The following NBAS variants were observed in gnomAD, a reference collection of about 807,000 sequenced individuals.
NBAS encodes NBAS subunit of NRZ tethering complex, also known as NAG/BC035112 fusion.
Under a neutral mutation model 302.5 loss-of-function variants are expected in NBAS, and 219 were observed. The ratio of observed to expected loss-of-function variants is 0.72; its 90% confidence interval spans 0.65 to 0.81. The LOEUF is 0.81. Among genes scored for constraint, NBAS ranks in the 30% least tolerant of loss-of-function variants. NBAS has a pLI of 0.00. For synonymous variants in NBAS, 1,118 were observed against 1,021.6 expected, an observed-to-expected ratio of 1.09 and a Z score of -1.80; for missense variants, 2,932 against 2,841.6, an observed-to-expected ratio of 1.03 and a Z score of -0.72.
At chr2:15,298,792 C>A (rs537561744) in intron 40 of NBAS, among the ~76,000 whole-genome samples, 1 of 152,148 alleles carries the variant, frequency 6.6e-6, no homozygotes, top group African/African-American at 2.4e-5. Flanking sequence ...AGCATTTTCA[C>A]GTGATTTTCA....
chr2:15,097,460 G>A, the NBAS span, among the ~76,000 whole-genome samples: 2 of 152,104 alleles, frequency 1.3e-5, no homozygotes, highest in Non-Finnish European at 2.9e-5. Context: ...GTTCATTTGT[G>A]CTGGATGGCT....
chr2:14,855,287 A>G, the NBAS span, among the ~76,000 whole-genome samples: 1,482 of 152,154 alleles, frequency 9.7e-3, 17 homozygotes, highest in Admixed American at 0.018. Context: ...TACTACATCA[A>G]AGGCCCTAGC....
chr2:14,894,394 G>C, the NBAS span, among the ~76,000 whole-genome samples: 2 of 152,028 alleles, frequency 1.3e-5, no homozygotes, highest in Admixed American at 1.3e-4. Context: ...TAGAAACCTG[G>C]AACTGATATC....
the NBAS span, among the ~76,000 whole-genome samples, chr2:14,946,210 A>G: frequency 6.6e-6 from 1 of 152,194 alleles, no homozygotes; most frequent in African/African-American, 2.4e-5. Flanking sequence ...AAAGAGATAA[A>G]TATCCAGGGA....
chr2:15,125,889 A>G, the NBAS span, among the ~76,000 whole-genome samples: 3 of 152,194 alleles, frequency 2.0e-5, no homozygotes, highest in African/African-American at 7.2e-5. Flanking sequence ...TTGATGCTGG[A>G]ACAAGATAAT....
At chr2:15,165,629 T>C (rs911147466), downstream of NBAS, among the ~76,000 whole-genome samples, 2 of 152,098 alleles carry the variant, frequency 1.3e-5, no homozygotes, top group East Asian at 1.9e-4. Flanking sequence ...CTTAAATAGA[T>C]GGGGAACCCA....
chr2:15,190,509 A>C, intron 48 of NBAS, 106 bp from the exon 49 acceptor site: 1 of 1,351,816 alleles, frequency 7.4e-7, no homozygotes, highest in East Asian at 2.5e-5. Context: ...AATGTTTTAC[A>C]ATGTGTTAAG....
chr2:15,109,371 G>A, the NBAS span, among the ~76,000 whole-genome samples: 1 of 152,116 alleles, frequency 6.6e-6, no homozygotes, highest in Non-Finnish European at 1.5e-5. Context: ...ACTACTCCCA[G>A]TCTTGGCTTT....
At chr2:15,069,995 A>AC in the NBAS span, among the ~76,000 whole-genome samples, 92,765 of 151,430 alleles carry the variant, frequency 0.61, 28,705 homozygotes, top group Admixed American at 0.7. Flanking sequence ...TTTGGTCAGA[A>AC]CCCCCCCACC....
At chr2:15,032,436 C>T in the NBAS span, among the ~76,000 whole-genome samples, 2 of 152,144 alleles carry the variant, frequency 1.3e-5, no homozygotes, top group South Asian at 2.1e-4. Flanking sequence ...TATTTATGTT[C>T]CAGTGTCTTG....
intron 21 of NBAS, among the ~76,000 whole-genome samples, chr2:15,459,518 G>A (rs1360904218): frequency 3.2e-5 from 1 of 30,826 alleles, no homozygotes; most frequent in Non-Finnish European, 9.7e-5. Flanking sequence ...TTTTTGAGAT[G>A]GAGTCTCGTT....
the NBAS span, among the ~76,000 whole-genome samples, chr2:14,899,055 C>A: frequency 6.6e-6 from 1 of 152,160 alleles, no homozygotes; most frequent in Admixed American, 6.5e-5. Flanking sequence ...ATTTCCTCCC[C>A]CAGTGGTCTC....
chr2:15,261,625 T>C (rs1021660554), intron 44 of NBAS, among the ~76,000 whole-genome samples: 1 of 152,004 alleles, frequency 6.6e-6, no homozygotes, highest in African/African-American at 2.4e-5. Flanking sequence ...GGCCCTCTCT[T>C]TTTTACTGCT....
intron 35 of NBAS, among the ~76,000 whole-genome samples, chr2:15,346,600 C>G (rs1003352592): frequency 2.0e-5 from 3 of 152,192 alleles, no homozygotes; most frequent in African/African-American, 7.2e-5. Context: ...ATGGCAATTT[C>G]TCAAGGATCT....
intron 28 of NBAS, chr2:15,393,636 C>CGTATGTCTACACAAAT: frequency 2.9e-6 from 1 of 347,476 alleles, no homozygotes; most frequent in Non-Finnish European, 6.0e-6. Flanking sequence ...TCTACACAAA[C>CGTATGTCTACACAAAT]ACTTGCATAT....
intron 38 of NBAS, among the ~76,000 whole-genome samples, chr2:15,310,117 C>T (rs1671209911): frequency 6.6e-6 from 1 of 152,204 alleles, no homozygotes; most frequent in African/African-American, 2.4e-5. Flanking sequence ...GATTTACCCT[C>T]CCAATTATGT....
At chr2:14,925,033 C>T in the NBAS span, among the ~76,000 whole-genome samples, 3 of 152,090 alleles carry the variant, frequency 2.0e-5, no homozygotes, top group African/African-American at 4.8e-5. Context: ...ATAAGGTAAG[C>T]GAATTTCGAT....
chr2:15,275,916 G>A (rs149477174), intron 43 of NBAS, 98 bp from the exon 44 acceptor site: 7 of 1,040,584 alleles, frequency 6.7e-6, no homozygotes, highest in South Asian at 2.7e-5. Context: ...ATGTCTGAAC[G>A]CAAAGATCTA....
rs763057107 is a variant in NBAS at position 15,551,517 on chromosome 2, T to TA, written c.354dup (p.Thr119TyrfsTer42). ...CCTTGACATTTCCCAATAATGGATG[T>TA]AAAATCATCTTTTGCAGACCTGTAA... On this transcript the variant is annotated frameshift_variant, in exon 6 of 52. Transcript: ENST00000281513. LOFTEE classifies it high-confidence loss of function. The TA allele has an allele frequency of 3.1e-6, 5 of 1,609,454 alleles. No individual in the cohort carries two copies. The African/African-American group carries it at 6.7e-5, about 22-fold the overall frequency.
Sources: allele counts gnomAD v4.1 joint callset (sites outside exome capture counted in the v4.1 genomes callset), GRCh38; gene constraint gnomAD v4.1.1; transcripts MANE v1.5; gene names NCBI Gene and HGNC (gene_info 2026-07-23, HGNC 2026-07-21).